Variants in PTPN4 observed in about 807,000 individuals in gnomAD.
PTPN4 encodes protein tyrosine phosphatase non-receptor type 4, also known as tyrosine-protein phosphatase non-receptor type 4.
In PTPN4, 49 loss-of-function variants were observed where a neutral mutation model predicts 135.5. That is an observed-to-expected ratio of 0.36 (90% CI 0.29 to 0.46). The LOEUF (loss-of-function observed/expected upper bound fraction) is 0.46. PTPN4 is among the 20% of genes least tolerant of loss of function. The probability of loss-of-function intolerance (pLI) is 1.00; values close to 1 mark genes in which losing one functional copy is unlikely to be tolerated. For synonymous variants in PTPN4, 333 were observed against 369.9 expected (o/e 0.90, Z 1.14); for missense variants, 860 against 1,101.0 (o/e 0.78, Z 3.10).
At chr2:119,887,595 G>T (rs1678178318) in intron 9 of PTPN4, among the ~76,000 whole-genome samples, 2 of 152,168 alleles carry the variant, frequency 1.3e-5, no homozygotes, top group Admixed American at 1.3e-4. Context: ...CTCTGTATGT[G>T]GCTATCTGAT....
chr2:119,932,221 T>TA (rs1678917266), intron 13 of PTPN4: 1 of 390,508 alleles, frequency 2.6e-6, no homozygotes, highest in Non-Finnish European at 4.6e-6. Flanking sequence ...TAGCCTGTCT[T>TA]ACCTTTATTC....
Position 119,882,534 on chromosome 2 carries a change from C to T in PTPN4, c.498C>T (p.Asn166=). The T allele has an allele frequency of 1.3e-6, 2 of 1,548,228 alleles. No homozygotes were observed. Among genetic ancestry groups the T allele is most frequent in the Non-Finnish European group, 1.8e-6 (2 of 1,140,280 alleles). ...SELGDYDQSE[N]LSGYLSDYSF... is the part of the protein sequence containing the mutation. ...TTGGAGACTACGATCAGTCAGAGAA[C>T]TTGTCAGGCTACCTCTCAGATTATT... The change falls in exon 8 of 27, where the codon AAC becomes AAT. Residue 166 remains asparagine, a synonymous_variant. Coordinates refer to ENST00000263708, the MANE Select transcript of PTPN4 (RefSeq NM_002830.4).
At chr2:119,836,710 C>T (rs1292709722) in intron 2 of PTPN4, among the ~76,000 whole-genome samples, 2 of 152,242 alleles carry the variant, frequency 1.3e-5, no homozygotes, top group African/African-American at 4.8e-5. Flanking sequence ...CTTGGAAGTA[C>T]CTGCTCCCAC....
Position 119,932,425 on chromosome 2 carries a change from TC to T in PTPN4, c.1076del (p.Pro359GlnfsTer9). On this transcript the variant is annotated frameshift_variant and splice_region_variant, in exon 14 of 27. Transcript: ENST00000263708. LOFTEE classifies it high-confidence loss of function. ...KANKDRVFAR[S>X]PSKPLARKLM... ...ATATTATTTAATTTATTTCTGCAGA[TC>T]CCCAAGTAAGCCCTTGGCACGGAAA... 6.2e-7 allele frequency: 1 copy of T among 1,602,168 alleles called. No individual in the cohort carries two copies. The highest frequency in any genetic ancestry group is 1.7e-5 in the Admixed American group (1 of 58,848).
Position 119,960,964 on chromosome 2 carries a change from G to A in PTPN4, c.2280+11G>A. On this transcript the variant is annotated intron_variant, in intron 23 of 26. Transcript: ENST00000263708. ...GTTGAACGTGGCAGAGTAAGTCATA[G>A]TTGAATCTTACACATTGCTTGGACT... 3.1e-6 allele frequency: 5 copies of A among 1,608,588 alleles called. No individual in the cohort carries two copies. Among genetic ancestry groups the A allele is most frequent in the Non-Finnish European group, 4.2e-6 (5 of 1,178,420 alleles).
Position 119,885,819 on chromosome 2 carries a change from A to C in PTPN4, c.612A>C (p.Glu204Asp). 1 of 1,602,208 alleles carries C rather than the reference A, an allele frequency of 6.2e-7. No homozygotes were observed. The highest frequency in any genetic ancestry group is 2.2e-5 in the East Asian group (1 of 44,448). Residue 204 changes from glutamate (E) to aspartate (D), a missense_variant, in exon 9 of 27, where the codon GAA becomes GAC. Glu to Asp is a conservative substitution (Grantham distance 45). Coordinates refer to ENST00000263708, the MANE Select transcript of PTPN4 (RefSeq NM_002830.4). ...QHIGLSPAEA[E>D]FNYLNTARTL... ...GAGGCTTATCTCCTGCAGAAGCAGAATTTAATTACCTAAACACAGCACGTA... is the reference window on the plus strand; with the variant it reads ...GAGGCTTATCTCCTGCAGAAGCAGACTTTAATTACCTAAACACAGCACGTA...
At chr2:119,899,431 G>A (rs184081073) in intron 9 of PTPN4, among the ~76,000 whole-genome samples, 35 of 152,232 alleles carry the variant, frequency 2.3e-4, no homozygotes, top group Admixed American at 9.8e-4. Flanking sequence ...AGTTTGGGCT[G>A]TGGTTTTATG....
chr2:119,801,932 A>G (rs1298660351), intron 1 of PTPN4, among the ~76,000 whole-genome samples: 2 of 42,910 alleles, frequency 4.7e-5, no homozygotes, highest in African/African-American at 9.4e-5. Flanking sequence ...AGGCAGTCTT[A>G]TTCTCTCACC....
chr2:119,918,460 A>G (rs757269821), intron 11 of PTPN4, among the ~76,000 whole-genome samples: 3 of 152,256 alleles, frequency 2.0e-5, no homozygotes, highest in Non-Finnish European at 4.4e-5. Flanking sequence ...TGATAGAAAT[A>G]TATGCCAGTG....
chr2:119,943,687 G>A lies in PTPN4; in HGVS notation c.1356-1394G>A, dbSNP rs574849138. 7.2e-4 allele frequency among the ~76,000 whole-genome samples: 97 copies of A among 134,356 alleles called. 2 individuals are homozygous for A. The South Asian group carries it at 0.018, about 25-fold the overall frequency. The allele number at this position is 134,356 out of a possible 152,430, so 88.1% of individuals were successfully genotyped here. A position where few individuals can be genotyped will look rare whatever the true frequency, so the allele number is the denominator to read the frequency against. ...TGCAAGCTCCGCCTCCCAGGTTCACGCCATTCTCCTGCCTCAGCCCCCCCG... is the reference window on the plus strand; with the variant it reads ...TGCAAGCTCCGCCTCCCAGGTTCACACCATTCTCCTGCCTCAGCCCCCCCG... On this transcript the variant is annotated intron_variant, in intron 15 of 26. Transcript: ENST00000263708.
At position 119,981,800 on chromosome 2, in the gene PTPN4, G is replaced by C. The variant is rs1034603292; in HGVS notation, c.*4730G>C. 6 of 152,032 alleles carry C rather than the reference G, an allele frequency of 3.9e-5. No homozygotes were observed. Among genetic ancestry groups the C allele is most frequent in the African/African-American group, 1.4e-4 (6 of 41,424 alleles). 9.4% of individuals were successfully genotyped at this position (152,032 alleles called of 1,614,324 possible). A position where few individuals can be genotyped will look rare whatever the true frequency, so the allele number is the denominator to read the frequency against. ...GCCAGAAGTTAGATATTTTTTTATAGTCCTGATGAATTTGTTGTGAGTAGA... is the reference window on the plus strand; with the variant it reads ...GCCAGAAGTTAGATATTTTTTTATACTCCTGATGAATTTGTTGTGAGTAGA... On this transcript the variant is annotated 3_prime_UTR_variant, in exon 27 of 27. Coordinates refer to ENST00000263708, the MANE Select transcript of PTPN4 (RefSeq NM_002830.4).
chr2:119,803,536 C>A (rs1252350446), intron 1 of PTPN4, among the ~76,000 whole-genome samples: 5 of 152,146 alleles, frequency 3.3e-5, no homozygotes, highest in Non-Finnish European at 7.4e-5. Flanking sequence ...ATACATTTTG[C>A]ATAATTTCAA....
chr2:119,872,156 T>A (rs1367921626), intron 3 of PTPN4, among the ~76,000 whole-genome samples: 2 of 152,236 alleles, frequency 1.3e-5, no homozygotes, highest in Non-Finnish European at 2.9e-5. Flanking sequence ...TTTAGCGTAG[T>A]GAAAGGTAAA....
intron 9 of PTPN4, among the ~76,000 whole-genome samples, chr2:119,899,967 G>C (rs545045009): frequency 6.6e-6 from 1 of 152,190 alleles, no homozygotes; most frequent in East Asian, 1.9e-4. Context: ...ATGAATGGTA[G>C]GTGGTAAAAG....
chr2:119,904,293 A>G (rs1380272604), intron 10 of PTPN4, among the ~76,000 whole-genome samples: 3 of 152,166 alleles, frequency 2.0e-5, no homozygotes, highest in African/African-American at 4.8e-5. Flanking sequence ...AGAAAGCATC[A>G]ACAATAGACT....
chr2:119,845,092 A>G (rs1677469895), intron 2 of PTPN4, among the ~76,000 whole-genome samples: 1 of 149,104 alleles, frequency 6.7e-6, no homozygotes, highest in African/African-American at 2.5e-5. Flanking sequence ...CTCCACCAAA[A>G]CCAGTCAGGC....
chr2:119,873,988 ACAAAAATT>A (rs1169403389), intron 3 of PTPN4, among the ~76,000 whole-genome samples: 3 of 152,216 alleles, frequency 2.0e-5, no homozygotes, highest in Admixed American at 1.3e-4. Context: ...GTATGTCCAC[ACAAAAATT>A]TATACACAGA....
intron 2 of PTPN4, among the ~76,000 whole-genome samples, chr2:119,857,922 A>G (rs553856676): frequency 6.6e-6 from 1 of 152,170 alleles, no homozygotes; most frequent in Non-Finnish European, 1.5e-5. Flanking sequence ...GTAGAAGGCA[A>G]TTAGATCATG....
chr2:119,944,271 A>G (rs1284057297), intron 15 of PTPN4, among the ~76,000 whole-genome samples: 2 of 152,212 alleles, frequency 1.3e-5, no homozygotes, highest in African/African-American at 4.8e-5. Context: ...TTTTCCGCTT[A>G]CCTATTTAAT....
Sources: gnomAD v4.1 joint callset for allele counts (sites outside exome capture counted in the v4.1 genomes callset) on GRCh38, gnomAD v4.1.1 for gene constraint, MANE v1.5 for transcripts, NCBI Gene and HGNC (gene_info 2026-07-23, HGNC 2026-07-21) for gene names.